FHIT: variants seen among roughly 807,000 people sequenced by gnomAD.
FHIT encodes bis(5'-adenosyl)-triphosphatase.
A neutral mutation model predicts 17.9 loss-of-function variants in FHIT; 19 were observed. That is an observed-to-expected ratio of 1.06 (90% CI 0.74 to 1.56). The LOEUF (loss-of-function observed/expected upper bound fraction) is 1.56. FHIT is among the 40% of genes most tolerant of loss of function. The probability of loss-of-function intolerance (pLI) is 0.00; values close to 1 mark genes in which losing one functional copy is unlikely to be tolerated. For synonymous variants in FHIT, 81 were observed against 69.7 expected, an observed-to-expected ratio of 1.16 and a Z score of -0.81; for missense variants, 248 against 189.2, an observed-to-expected ratio of 1.31 and a Z score of -1.82.
At chr3:61,100,581 T>C (rs1379465280) in intron 2 of FHIT, among the ~76,000 whole-genome samples, 1 of 152,194 alleles carries the variant, frequency 6.6e-6, no homozygotes, top group Non-Finnish European at 1.5e-5. Context: ...TACCCAGTAA[T>C]GGGATTGCTG....
At chr3:59,948,742 T>C (rs896004571) in intron 7 of FHIT, among the ~76,000 whole-genome samples, 1 of 152,170 alleles carries the variant, frequency 6.6e-6, no homozygotes, top group African/African-American at 2.4e-5. Context: ...TATCTTTTCA[T>C]GTGCTACGTG....
At chr3:60,792,495 A>G (rs1477930588) in intron 4 of FHIT, among the ~76,000 whole-genome samples, 2 of 152,250 alleles carry the variant, frequency 1.3e-5, no homozygotes, top group Non-Finnish European at 2.9e-5. Context: ...TTTGAATATT[A>G]CCAGCATAAA....
chr3:60,144,402 C>G (rs1700154627), intron 5 of FHIT, among the ~76,000 whole-genome samples: 1 of 152,140 alleles, frequency 6.6e-6, no homozygotes, highest in Admixed American at 6.5e-5. Flanking sequence ...ATTTCTCCAA[C>G]CAACTTTGCC....
intron 4 of FHIT, among the ~76,000 whole-genome samples, chr3:60,546,712 A>G (rs1424643689): frequency 6.6e-6 from 1 of 152,142 alleles, no homozygotes; most frequent in Non-Finnish European, 1.5e-5. Context: ...TTTTGAGTGG[A>G]TAAAGAGTCT....
chr3:60,474,724 A>C (rs1313021210), intron 5 of FHIT, among the ~76,000 whole-genome samples: 1 of 152,018 alleles, frequency 6.6e-6, no homozygotes. Context: ...CCCGGGTTCA[A>C]GAGATTCTCC....
At chr3:59,841,643 G>T (rs950911976) in intron 8 of FHIT, among the ~76,000 whole-genome samples, 2 of 151,992 alleles carry the variant, frequency 1.3e-5, no homozygotes, top group Non-Finnish European at 2.9e-5. Context: ...TAAACATCTT[G>T]TACTCCAGAG....
At chr3:60,095,186 G>A (rs568222774) in intron 5 of FHIT, among the ~76,000 whole-genome samples, 3 of 152,154 alleles carry the variant, frequency 2.0e-5, no homozygotes, top group South Asian at 2.1e-4. Context: ...GAGGCACAAC[G>A]ATGCATTTTG....
In FHIT at chr3:60,379,350, A is replaced by G. The variant is rs577201794; in HGVS notation, c.103+157510T>C. ...AAATTAACCAAACCTCCCCCAAAATATTGCTTTCAGTCAGTGATGACTGAC... is the reference window on the plus strand; with the variant it reads ...AAATTAACCAAACCTCCCCCAAAATGTTGCTTTCAGTCAGTGATGACTGAC... On this transcript the variant is annotated intron_variant, in intron 5 of 9. Coordinates refer to ENST00000492590, the MANE Select transcript of FHIT (RefSeq NM_002012.4). Among the ~76,000 whole-genome samples the G allele has an allele frequency of 7.2e-4, 110 of 152,170 alleles. 1 individual carries two copies. The highest frequency in any genetic ancestry group is 2.6e-3 in the African/African-American group (108 of 41,508).
intron 4 of FHIT, chr3:60,732,039 G>A (rs1324003754): frequency 2.6e-5 from 12 of 457,888 alleles, no homozygotes; most frequent in Admixed American, 1.7e-4. Flanking sequence ...GAATTGCAGC[G>A]ACAATACAAA....
chr3:60,713,192 A>C (rs1268558280), intron 4 of FHIT, among the ~76,000 whole-genome samples: 2 of 151,932 alleles, frequency 1.3e-5, no homozygotes, highest in African/African-American at 4.8e-5. Flanking sequence ...GTACATAATG[A>C]AATGAAGGCA....
chr3:61,205,165 G>T (rs1303505825), intron 1 of FHIT, among the ~76,000 whole-genome samples: 9 of 151,966 alleles, frequency 5.9e-5, no homozygotes, highest in Non-Finnish European at 1.0e-4. Context: ...CATTTTTTAT[G>T]GCTGCATAGT....
At chr3:60,634,869 CTTATT>C (rs2039540240) in intron 4 of FHIT, among the ~76,000 whole-genome samples, 1 of 152,082 alleles carries the variant, frequency 6.6e-6, no homozygotes, top group African/African-American at 2.4e-5. Context: ...TGGAAAATAC[CTTATT>C]TTAGAGTGAG....
intron 5 of FHIT, among the ~76,000 whole-genome samples, chr3:60,488,172 C>T (rs13081317): frequency 0.058 from 8,879 of 152,252 alleles, 283 homozygotes; most frequent in African/African-American, 0.087. Flanking sequence ...GAAACCACAG[C>T]AGCAGGGACC....
chr3:60,224,611 T>G (rs964467509), intron 5 of FHIT, among the ~76,000 whole-genome samples: 4 of 152,192 alleles, frequency 2.6e-5, no homozygotes, highest in African/African-American at 9.6e-5. Flanking sequence ...TAAAGCATCC[T>G]CTTTTGGACA....
intron 3 of FHIT, among the ~76,000 whole-genome samples, chr3:60,995,317 C>T (rs745815708): frequency 3.9e-4 from 58 of 150,414 alleles, no homozygotes; most frequent in Non-Finnish European, 8.1e-4. Flanking sequence ...GAGACTCTGT[C>T]TCAAAATAAT....
chr3:61,111,162 G>T (rs373815906), intron 2 of FHIT, among the ~76,000 whole-genome samples: 1 of 152,128 alleles, frequency 6.6e-6, no homozygotes, highest in Non-Finnish European at 1.5e-5. Context: ...AAGCAGAGAT[G>T]GTCTTGAGCA....
At chr3:60,311,286 T>C (rs533674190) in intron 5 of FHIT, among the ~76,000 whole-genome samples, 15 of 152,190 alleles carry the variant, frequency 9.9e-5, no homozygotes, top group African/African-American at 2.6e-4. Flanking sequence ...TTTGTTTAAA[T>C]AGAACTATTC....
chr3:59,903,229 TA>T (rs1308368391), intron 8 of FHIT, among the ~76,000 whole-genome samples: 2 of 152,138 alleles, frequency 1.3e-5, no homozygotes, highest in African/African-American at 4.8e-5. Context: ...GAAATGTCCA[TA>T]ACAGGCAAAT....
At chr3:60,663,162 C>CTA (rs562170635) in intron 4 of FHIT, among the ~76,000 whole-genome samples, 31 of 32,690 alleles carry the variant, frequency 9.5e-4, no homozygotes, top group African/African-American at 2.4e-3. Flanking sequence ...AGATATATAT[C>CTA]TCTTTAATGT....
Sources: allele counts gnomAD v4.1 joint callset (sites outside exome capture counted in the v4.1 genomes callset), GRCh38; gene constraint gnomAD v4.1.1; transcripts MANE v1.5; gene names NCBI Gene and HGNC (gene_info 2026-07-23, HGNC 2026-07-21).